Variants in DLGAP2 observed in about 807,000 individuals in gnomAD.
DLGAP2 encodes the protein DLG associated protein 2, also known as disks large-associated protein 2.
A neutral mutation model predicts 100.3 loss-of-function variants in DLGAP2; 26 were observed. That is an observed-to-expected ratio of 0.26 (90% CI 0.19 to 0.36). DLGAP2 has a LOEUF of 0.36. Among genes scored for constraint, DLGAP2 ranks in the 10% least tolerant of loss-of-function variants. The pLI, the probability that DLGAP2 is intolerant of heterozygous loss-of-function variation, is 1.00. For synonymous variants in DLGAP2, 886 were observed against 630.1 expected, an observed-to-expected ratio of 1.41 and a Z score of -6.08; for missense variants, 1,858 against 1,453.2, an observed-to-expected ratio of 1.28 and a Z score of -4.53.
intron 2 of DLGAP2, among the ~76,000 whole-genome samples, chr8:1,027,040 T>A (rs972573051): frequency 6.6e-6 from 1 of 152,236 alleles, no homozygotes; most frequent in Non-Finnish European, 1.5e-5. Context: ...CCACACTGTT[T>A]GTGGCAGGTG....
At chr8:761,228 C>G (rs1821075128) in intron 1 of DLGAP2, among the ~76,000 whole-genome samples, 1 of 152,132 alleles carries the variant, frequency 6.6e-6, no homozygotes. Context: ...TCTCCAGTTC[C>G]CAGTGAATTG....
At chr8:1,385,998 C>T (rs893133027) in intron 3 of DLGAP2, among the ~76,000 whole-genome samples, 1 of 152,226 alleles carries the variant, frequency 6.6e-6, no homozygotes, top group African/African-American at 2.4e-5. Context: ...GGAGCAATTC[C>T]CAGGCAAGAG....
At chr8:757,467 T>C (rs1820950859) in intron 1 of DLGAP2, among the ~76,000 whole-genome samples, 1 of 152,136 alleles carries the variant, frequency 6.6e-6, no homozygotes. Context: ...CTCTGAAAGT[T>C]GAATGACACC....
chr8:996,128 G>T (rs1171307876), intron 2 of DLGAP2, among the ~76,000 whole-genome samples: 2 of 152,234 alleles, frequency 1.3e-5, no homozygotes, highest in Non-Finnish European at 2.9e-5. Context: ...TGGCTCCAGG[G>T]ACCACTCCCC....
intron 2 of DLGAP2, among the ~76,000 whole-genome samples, chr8:985,941 G>A (rs1800474478): frequency 6.6e-6 from 1 of 152,118 alleles, no homozygotes; most frequent in Admixed American, 6.5e-5. Flanking sequence ...GATGCTCTTG[G>A]TGGAATAAAA....
At chr8:1,428,415 T>TGAGAGAGA (rs924744043) in intron 3 of DLGAP2, among the ~76,000 whole-genome samples, 2 of 150,610 alleles carry the variant, frequency 1.3e-5, no homozygotes, top group Non-Finnish European at 3.0e-5. Context: ...TCTCTTTCCT[T>TGAGAGAGA]GAGAGAGAGA....
At chr8:1,056,601 T>C (rs1481956247) in intron 2 of DLGAP2, among the ~76,000 whole-genome samples, 5 of 152,210 alleles carry the variant, frequency 3.3e-5, no homozygotes, top group African/African-American at 7.2e-5. Context: ...ACAGCTCCGG[T>C]TGAAAGGTGC....
At chr8:1,438,578 A>G (rs1157324849) in intron 3 of DLGAP2, among the ~76,000 whole-genome samples, 2 of 152,236 alleles carry the variant, frequency 1.3e-5, no homozygotes, top group Non-Finnish European at 2.9e-5. Flanking sequence ...GATATCGAAA[A>G]TATTTTAGTG....
At chr8:1,188,638 C>G (rs1319538338) in intron 2 of DLGAP2, among the ~76,000 whole-genome samples, 3 of 152,106 alleles carry the variant, frequency 2.0e-5, no homozygotes, top group Non-Finnish European at 4.4e-5. Flanking sequence ...ACAGCTCCTC[C>G]CAATAGAACA....
At chr8:1,293,457 C>T (rs1335628521) in intron 3 of DLGAP2, among the ~76,000 whole-genome samples, 1 of 152,220 alleles carries the variant, frequency 6.6e-6, no homozygotes, top group Admixed American at 6.5e-5. Context: ...CCCTGTGCCT[C>T]CCTTTTCTGG....
At chr8:874,917 T>C (rs918102139) in intron 1 of DLGAP2, among the ~76,000 whole-genome samples, 2 of 152,226 alleles carry the variant, frequency 1.3e-5, no homozygotes, top group Admixed American at 1.3e-4. Context: ...TATATATGTA[T>C]GTCTACATAT....
chr8:822,583 G>A (rs1183939192), intron 1 of DLGAP2, among the ~76,000 whole-genome samples: 2 of 152,234 alleles, frequency 1.3e-5, no homozygotes, highest in East Asian at 1.9e-4. Context: ...CGTGTGCTCC[G>A]AATGAATCTG....
At chr8:1,608,904 C>G (rs1407800585) in intron 6 of DLGAP2, among the ~76,000 whole-genome samples, 1 of 151,908 alleles carries the variant, frequency 6.6e-6, no homozygotes, top group African/African-American at 2.4e-5. Context: ...AAGACCAAAT[C>G]TACGTCTGAT....
chr8:1,036,705 C>T (rs1802135794), intron 2 of DLGAP2, among the ~76,000 whole-genome samples: 1 of 152,098 alleles, frequency 6.6e-6, no homozygotes, highest in South Asian at 2.1e-4. Flanking sequence ...AGGGAGGGTG[C>T]TGGCTCCGGC....
At chr8:1,047,890 A>C (rs985788706) in intron 2 of DLGAP2, among the ~76,000 whole-genome samples, 1 of 152,096 alleles carries the variant, frequency 6.6e-6, no homozygotes, top group African/African-American at 2.4e-5. Flanking sequence ...AATTAATATT[A>C]ATGTTTATTT....
Position 1,280,686 on chromosome 8 carries a change from G to C in DLGAP2, c.106+21803G>C, listed in dbSNP as rs182768926. ...CAGGTGCATGGGCCATGGGCATGGA[G>C]GGGAGGTAGGAGAGCTTGGTGCCAC... is the stretch of plus-strand genomic sequence containing the variant. On this transcript the variant is annotated intron_variant, in intron 3 of 14. Transcript: ENST00000637795. 6.5e-3 allele frequency among the ~76,000 whole-genome samples: 994 copies of C among 152,336 alleles called. 10 individuals are homozygous for C. Among genetic ancestry groups the C allele is most frequent in the Non-Finnish European group, 9.0e-3 (609 of 68,030 alleles).
At chr8:1,617,202 T>G (rs1797183651) in intron 6 of DLGAP2, among the ~76,000 whole-genome samples, 1 of 152,312 alleles carries the variant, frequency 6.6e-6, no homozygotes, top group Non-Finnish European at 1.5e-5. Flanking sequence ...GTGCATGTGT[T>G]TTAATGGTAG....
chr8:770,849 A>G (rs1280479192), intron 1 of DLGAP2, among the ~76,000 whole-genome samples: 1 of 150,344 alleles, frequency 6.7e-6, no homozygotes, highest in East Asian at 2.0e-4. Flanking sequence ...TCATAAACCT[A>G]ATTTTGGTTT....
chr8:805,781 C>T (rs1425737328), intron 1 of DLGAP2, among the ~76,000 whole-genome samples: 1 of 152,194 alleles, frequency 6.6e-6, no homozygotes, highest in Non-Finnish European at 1.5e-5. Flanking sequence ...GCCTCGGCCT[C>T]CCAAAGCGCA....
Sources: allele counts gnomAD v4.1 joint callset (sites outside exome capture counted in the v4.1 genomes callset), GRCh38; gene constraint gnomAD v4.1.1; transcripts MANE v1.5; gene names NCBI Gene and HGNC (gene_info 2026-07-23, HGNC 2026-07-21).